LPP: variants seen among roughly 807,000 people sequenced by gnomAD.
LPP encodes the protein lipoma-preferred partner.
A neutral mutation model predicts 60.4 loss-of-function variants in LPP; 38 were observed. The observed-to-expected ratio is 0.63, with a 90% confidence interval of 0.49 to 0.83. The LOEUF is 0.83. LPP is among the 40% of genes least tolerant of loss of function. The probability of loss-of-function intolerance (pLI) is 0.00; values close to 1 mark genes in which losing one functional copy is unlikely to be tolerated. For missense variants in LPP, 902 were observed against 783.6 expected (o/e 1.15, Z -1.80); for synonymous variants, 328 against 290.8 (o/e 1.13, Z -1.30).
chr3:188,394,611 C>T (rs540704239), intron 3 of LPP, among the ~76,000 whole-genome samples: 1 of 148,766 alleles, frequency 6.7e-6, no homozygotes, highest in South Asian at 2.1e-4. Flanking sequence ...TTCCCCAGAA[C>T]ATTAGCTGAG....
chr3:188,644,188 TAGA>T (rs1353138996), intron 7 of LPP, among the ~76,000 whole-genome samples: 2 of 152,310 alleles, frequency 1.3e-5, no homozygotes, highest in South Asian at 2.1e-4. Context: ...ATGATTTGGA[TAGA>T]AGAACAATTT....
At chr3:188,399,760 A>G (rs568064808) in intron 3 of LPP, among the ~76,000 whole-genome samples, 5 of 152,204 alleles carry the variant, frequency 3.3e-5, no homozygotes, top group Non-Finnish European at 1.5e-5. Context: ...ATTGCACTGG[A>G]TGTTGGATAA....
chr3:188,782,165 A>C (rs979000528), intron 9 of LPP, among the ~76,000 whole-genome samples: 4 of 152,338 alleles, frequency 2.6e-5, no homozygotes, highest in African/African-American at 9.6e-5. Context: ...TTGTAATACC[A>C]GTTAATACTT....
At chr3:188,727,442 C>G (rs1384587105) in intron 8 of LPP, among the ~76,000 whole-genome samples, 1 of 152,018 alleles carries the variant, frequency 6.6e-6, no homozygotes, top group East Asian at 1.9e-4. Context: ...AAGATGATTT[C>G]CAGTTAAGAT....
In LPP at chr3:188,664,617, CTGTGTGTG is replaced by C. The variant is rs750223155; in HGVS notation, c.1114-43637_1114-43630del. 3.9e-3 allele frequency among the ~76,000 whole-genome samples: 576 copies of C among 147,262 alleles called. 6 individuals carry two copies. The highest frequency in any genetic ancestry group is 0.013 in the African/African-American group (530 of 40,336). On this transcript the variant is annotated intron_variant, in intron 7 of 11. Coordinates refer to ENST00000617246, the MANE Select transcript of LPP (RefSeq NM_001375462.1). ...TATATGTGTATGTGTGTGTGTGTGT[CTGTGTGTG>C]TGTGTGTGTGTGGAGAGAGAGAGAA... is the stretch of plus-strand genomic sequence containing the variant.
chr3:188,421,611 G>C, intron 4 of LPP, among the ~76,000 whole-genome samples: 1 of 152,068 alleles, frequency 6.6e-6, no homozygotes, highest in East Asian at 1.9e-4. Flanking sequence ...TGATAGTAAT[G>C]GTAATATAGC....
chr3:188,494,419 G>A lies in LPP; in HGVS notation c.306+9715G>A, dbSNP rs143796481. The stretch of plus-strand genomic sequence containing the variant: ...TTCTCAATGACACACTGTCACCAGC[G>A]GTGCTGGGAATTGTGGCAGAGTCCT... On this transcript the variant is annotated intron_variant, in intron 5 of 11. Transcript: ENST00000617246. 9.3e-4 allele frequency among the ~76,000 whole-genome samples: 142 copies of A among 152,238 alleles called. 2 individuals are homozygous for A. The highest frequency in any genetic ancestry group is 2.4e-3 in the African/African-American group (100 of 41,534).
At chr3:188,338,671 C>T (rs1301606212) in intron 2 of LPP, among the ~76,000 whole-genome samples, 3 of 152,182 alleles carry the variant, frequency 2.0e-5, no homozygotes, top group East Asian at 1.9e-4. Context: ...GAATGAATAT[C>T]TTGGACACCA....
At chr3:188,620,492 G>A (rs1483071314) in intron 7 of LPP, among the ~76,000 whole-genome samples, 1 of 152,094 alleles carries the variant, frequency 6.6e-6, no homozygotes, top group Non-Finnish European at 1.5e-5. Flanking sequence ...TGTGATTGCT[G>A]TATTCCTTTT....
chr3:188,250,667 TCTC>T (rs1389038709), intron 2 of LPP, among the ~76,000 whole-genome samples: 2 of 151,914 alleles, frequency 1.3e-5, no homozygotes, highest in Non-Finnish European at 2.9e-5. Flanking sequence ...GCCCCTTCCT[TCTC>T]CTCCCTCCCT....
At chr3:188,599,751 G>GGGGTGTGTGTGTGTGTGTGTGT (rs374294307) in intron 6 of LPP, among the ~76,000 whole-genome samples, 1 of 139,828 alleles carries the variant, frequency 7.2e-6, no homozygotes, top group African/African-American at 2.7e-5. Context: ...ACTCGTTAGG[G>GGGGTGTGTGTGTGTGTGTGTGT]GTGTGTGTGT....
Position 188,878,525 on chromosome 3 carries a change from A to T in LPP, c.*4046A>T. 1 of 215,116 alleles carries T rather than the reference A, an allele frequency of 4.6e-6. No individual in the cohort carries two copies. The highest frequency in any genetic ancestry group is 9.4e-6 in the Non-Finnish European group (1 of 106,226). 13.3% of individuals were successfully genotyped at this position (215,116 alleles called of 1,614,324 possible). A position where few individuals can be genotyped will look rare whatever the true frequency, so the allele number is the denominator to read the frequency against. ...CATGTTCCATACCCCTGCTTTAGCC[A>T]TCTGTGGGAAACCAGCAAACTGAAA... On this transcript the variant is annotated 3_prime_UTR_variant, in exon 12 of 12. Coordinates refer to ENST00000617246, the MANE Select transcript of LPP (RefSeq NM_001375462.1).
chr3:188,807,554 A>G (rs1349810847), intron 9 of LPP, among the ~76,000 whole-genome samples: 1 of 151,984 alleles, frequency 6.6e-6, no homozygotes, highest in East Asian at 1.9e-4. Flanking sequence ...CTGTTCTCTT[A>G]CTTTTCACTC....
At chr3:188,664,329 G>C (rs73056780) in intron 7 of LPP, among the ~76,000 whole-genome samples, 21 of 151,962 alleles carry the variant, frequency 1.4e-4, no homozygotes, top group Non-Finnish European at 2.8e-4. Context: ...GGTTCATTTC[G>C]GCATGCCGCT....
At chr3:188,521,102 G>A (rs1484212902) in intron 5 of LPP, among the ~76,000 whole-genome samples, 2 of 151,828 alleles carry the variant, frequency 1.3e-5, no homozygotes, top group Non-Finnish European at 2.9e-5. Context: ...ACTCAAGAGT[G>A]AAAAAAAGGC....
intron 7 of LPP, among the ~76,000 whole-genome samples, chr3:188,652,970 C>T (rs1401564697): frequency 6.6e-6 from 1 of 152,150 alleles, no homozygotes; most frequent in Non-Finnish European, 1.5e-5. Context: ...CTGTCTTGGG[C>T]CATGGAACCT....
At position 188,537,505 on chromosome 3, in the gene LPP, T is replaced by G. The variant is rs1361656357; in HGVS notation, c.429+12718T>G. ...TCTAAGAGCCATCTGGATGCTCCTT[T>G]TTATTTGTGTTTTTGGCTTATTCAC... On this transcript the variant is annotated intron_variant, in intron 6 of 11. Transcript: ENST00000617246. Among the ~76,000 whole-genome samples the G allele has an allele frequency of 2.6e-5, 4 of 152,180 alleles. No homozygotes were observed. The East Asian group carries it at 5.8e-4, about 22-fold the overall frequency.
intron 7 of LPP, among the ~76,000 whole-genome samples, chr3:188,645,248 CTTTTT>C (rs796743259): frequency 7.0e-6 from 1 of 143,812 alleles, no homozygotes; most frequent in Non-Finnish European, 1.5e-5. Flanking sequence ...AGTTCTAGAA[CTTTTT>C]TTTTTTTTCC....
chr3:188,835,160 A>G (rs1758088273), intron 9 of LPP, among the ~76,000 whole-genome samples: 1 of 152,116 alleles, frequency 6.6e-6, no homozygotes, highest in Non-Finnish European at 1.5e-5. Context: ...TCATAACACT[A>G]TTAAAGAATA....
Sources: allele counts gnomAD v4.1 joint callset (sites outside exome capture counted in the v4.1 genomes callset), GRCh38; gene constraint gnomAD v4.1.1; transcripts MANE v1.5; gene names NCBI Gene and HGNC (gene_info 2026-07-23, HGNC 2026-07-21).